Variants in PSMD1 observed in about 807,000 individuals in gnomAD.
PSMD1 encodes the protein 26S proteasome non-ATPase regulatory subunit 1.
A neutral mutation model predicts 119.0 loss-of-function variants in PSMD1; 18 were observed. The ratio of observed to expected loss-of-function variants is 0.15; its 90% CI spans 0.10 to 0.22. The LOEUF is 0.22. Among genes scored for constraint, PSMD1 ranks in the 10% least tolerant of loss-of-function variants. PSMD1 has a pLI of 1.00. For missense variants in PSMD1, 702 were observed against 1,158.5 expected (o/e 0.61, Z 5.72); for synonymous variants, 374 against 396.6 (o/e 0.94, Z 0.68).
chr2:231,084,465 T>C (rs75163542), intron 14 of PSMD1, among the ~76,000 whole-genome samples: 12,523 of 152,140 alleles, frequency 0.082, 656 homozygotes, highest in South Asian at 0.21. Context: ...ACTTGTTTAT[T>C]TGGGTGAGGT....
chr2:231,171,691 G>C (rs1031407494), intron 24 of PSMD1, among the ~76,000 whole-genome samples: 24 of 151,900 alleles, frequency 1.6e-4, no homozygotes, highest in African/African-American at 5.8e-4. Context: ...CGAGTAGCTG[G>C]GATTACAGGC....
At chr2:231,121,054 G>T in intron 16 of PSMD1, among the ~76,000 whole-genome samples, 1 of 152,142 alleles carries the variant, frequency 6.6e-6, no homozygotes, top group East Asian at 1.9e-4. Flanking sequence ...AGGGCAACAT[G>T]TGTTTTTTTC....
At chr2:231,127,897 C>G (rs1695763864) in intron 16 of PSMD1, among the ~76,000 whole-genome samples, 1 of 152,156 alleles carries the variant, frequency 6.6e-6, no homozygotes, top group Admixed American at 6.5e-5. Context: ...TAAAGTAACT[C>G]TTACTAAAGT....
intron 17 of PSMD1, among the ~76,000 whole-genome samples, chr2:231,142,685 T>C (rs1384749743): frequency 2.6e-5 from 4 of 152,178 alleles, no homozygotes; most frequent in Admixed American, 6.5e-5. Flanking sequence ...AAATATACCA[T>C]TGGGGTTGTA....
In PSMD1 at chr2:231,072,385, C is replaced by T. The variant is rs762557685; in HGVS notation, c.851C>T (p.Thr284Met). ...PIASVPGSTN[T>M]GTVPGSEKDS... is the part of the protein sequence containing the mutation. ...GCTTCTGTGCCTGGATCCACTAATA[C>T]GGGTACTGTTCCGGGATCAGAGAAA... Residue 284 changes from threonine to methionine, a missense_variant, in exon 7 of 25, where the codon ACG (threonine) becomes ATG (methionine). By Grantham distance (81) the Thr-to-Met change is moderately conservative. Coordinates refer to ENST00000308696, the MANE Select transcript of PSMD1 (RefSeq NM_002807.4). 4.3e-6 allele frequency: 7 copies of T among 1,613,272 alleles called. No homozygotes were observed. Among genetic ancestry groups the T allele is most frequent in the East Asian group, 4.5e-5 (2 of 44,876 alleles).
intron 16 of PSMD1, among the ~76,000 whole-genome samples, chr2:231,128,556 C>G (rs1244499920): frequency 1.3e-5 from 2 of 152,230 alleles, no homozygotes; most frequent in Non-Finnish European, 2.9e-5. Context: ...AAACAAGCTT[C>G]CTTCACTGTC....
chr2:231,123,660 CTG>C, intron 16 of PSMD1: 1 of 1,613,918 alleles, frequency 6.2e-7, no homozygotes, highest in African/African-American at 1.3e-5. Context: ...TTGATTCTGT[CTG>C]TAATCCAGAC....
At chr2:231,096,779 G>A (rs938055638) in intron 16 of PSMD1, among the ~76,000 whole-genome samples, 2 of 152,128 alleles carry the variant, frequency 1.3e-5, no homozygotes, top group Admixed American at 6.6e-5. Flanking sequence ...TTCCCTATTG[G>A]CTAGGGTTAG....
intron 16 of PSMD1, among the ~76,000 whole-genome samples, chr2:231,126,067 C>T (rs1056002547): frequency 2.0e-5 from 3 of 152,212 alleles, no homozygotes; most frequent in Non-Finnish European, 4.4e-5. Context: ...CAAGAGAAAT[C>T]AGATGTTTTT....
intron 16 of PSMD1, among the ~76,000 whole-genome samples, chr2:231,115,909 C>T (rs1446946109): frequency 6.6e-6 from 1 of 151,974 alleles, no homozygotes; most frequent in Admixed American, 6.6e-5. Flanking sequence ...CCAGGTGATT[C>T]GTATGCAAAT....
intron 16 of PSMD1, among the ~76,000 whole-genome samples, chr2:231,112,095 A>T (rs1488083282): frequency 6.6e-6 from 1 of 151,922 alleles, no homozygotes; most frequent in Non-Finnish European, 1.5e-5. Context: ...ATTCTTAAGG[A>T]TCCATTTCTT....
Position 231,099,813 on chromosome 2 carries a change from T to C in PSMD1, c.1883+12632T>C, listed in dbSNP as rs138917098. On this transcript the variant is annotated intron_variant, in intron 16 of 24. Coordinates refer to ENST00000308696, the MANE Select transcript of PSMD1 (RefSeq NM_002807.4). Reference sequence around the variant, plus strand: ...GGATGGCTCGCCTCTTTTTAACCTCTAAGCCACCCCGACCAAGGAGTAGTT... The same window carrying C: ...GGATGGCTCGCCTCTTTTTAACCTCCAAGCCACCCCGACCAAGGAGTAGTT... Among the ~76,000 whole-genome samples the C allele has an allele frequency of 3.4e-3, 511 of 152,256 alleles. 3 individuals are homozygous for C. The highest frequency in any genetic ancestry group is 0.012 in the African/African-American group (478 of 41,536).
intron 8 of PSMD1, 24 bp downstream of exon 8, chr2:231,075,595 T>C: frequency 1.3e-6 from 2 of 1,596,146 alleles, no homozygotes; most frequent in Non-Finnish European, 1.7e-6. Context: ...TTTTTTTTCC[T>C]TTGAGACAGG....
intron 18 of PSMD1, among the ~76,000 whole-genome samples, chr2:231,151,768 C>T (rs1030201381): frequency 1.3e-5 from 2 of 148,210 alleles, no homozygotes; most frequent in African/African-American, 2.5e-5. Context: ...AGGAACTTGA[C>T]TTGTCGAACC....
chr2:231,098,780 G>A (rs181841608), intron 16 of PSMD1, among the ~76,000 whole-genome samples: 188 of 152,244 alleles, frequency 1.2e-3, no homozygotes, highest in African/African-American at 4.1e-3. Flanking sequence ...CTGCCATTCC[G>A]TAAAGGTCAT....
Position 231,123,480 on chromosome 2 carries a change from G to C in PSMD1, c.1884-15256G>C, listed in dbSNP as rs1695619763. ...CAACCAGCAAATCAGCCACCGCCAAGGACATTAGAAAGTAATTAGTAGCAT... is the reference window on the plus strand; with the variant it reads ...CAACCAGCAAATCAGCCACCGCCAACGACATTAGAAAGTAATTAGTAGCAT... On this transcript the variant is annotated intron_variant, in intron 16 of 24. Coordinates refer to ENST00000308696, the MANE Select transcript of PSMD1 (RefSeq NM_002807.4). The C allele has an allele frequency of 4.3e-6, 7 of 1,613,916 alleles. No homozygotes were observed. The East Asian group carries it at 1.6e-4, about 36-fold the overall frequency.
chr2:231,086,509 T>G (rs1694445619), intron 15 of PSMD1, among the ~76,000 whole-genome samples: 1 of 151,988 alleles, frequency 6.6e-6, no homozygotes, highest in Admixed American at 6.5e-5. Context: ...ATAGAAAAAT[T>G]AGCTGGGCAT....
Position 231,082,781 on chromosome 2 carries a change from A to C in PSMD1, c.1414-102A>C, listed in dbSNP as rs969703839. 4 of 811,910 alleles carry C rather than the reference A, an allele frequency of 4.9e-6. No individual in the cohort carries two copies. The African/African-American group carries it at 5.2e-5, about 11-fold the overall frequency. 50.3% of individuals were successfully genotyped at this position (811,910 alleles called of 1,614,324 possible). ...TCCTTTGATCATTCTTACTGAGCCAACCTCTGCATATTTAATGTGAAACTG... is the reference window on the plus strand; with the variant it reads ...TCCTTTGATCATTCTTACTGAGCCACCCTCTGCATATTTAATGTGAAACTG... On this transcript the variant is annotated intron_variant, in intron 12 of 24. Coordinates refer to ENST00000308696, the MANE Select transcript of PSMD1 (RefSeq NM_002807.4).
At chr2:231,127,510 A>G (rs1695755132) in intron 16 of PSMD1, among the ~76,000 whole-genome samples, 3 of 152,074 alleles carry the variant, frequency 2.0e-5, no homozygotes, top group Admixed American at 1.3e-4. Context: ...GCCTGCCACC[A>G]CGCCTGGCTA....
Sources: gnomAD v4.1 joint callset for allele counts (sites outside exome capture counted in the v4.1 genomes callset) on GRCh38, gnomAD v4.1.1 for gene constraint, MANE v1.5 for transcripts, NCBI Gene and HGNC (gene_info 2026-07-23, HGNC 2026-07-21) for gene names.